The following CLSTN2 variants were observed in gnomAD, a reference collection of about 807,000 sequenced individuals.
CLSTN2 encodes the protein calsyntenin-2.
Under a neutral mutation model 101.2 loss-of-function variants are expected in CLSTN2, and 48 were observed. The observed-to-expected ratio is 0.47, with a 90% CI of 0.38 to 0.60. CLSTN2 has a LOEUF of 0.60. CLSTN2 is among the 20% of genes least tolerant of loss of function. CLSTN2 has a pLI of 0.00. For missense variants in CLSTN2, 1,160 were observed against 1,238.2 expected, an observed-to-expected ratio of 0.94 and a Z score of 0.95; for synonymous variants, 481 against 463.6, an observed-to-expected ratio of 1.04 and a Z score of -0.48.
chr3:140,313,720 AGT>A (rs1307882543), intron 2 of CLSTN2, among the ~76,000 whole-genome samples: 1 of 152,244 alleles, frequency 6.6e-6, no homozygotes, highest in African/African-American at 2.4e-5. Context: ...CACAAAGTGA[AGT>A]GTGTCATGGG....
At chr3:140,156,497 A>C (rs1004893625) in intron 1 of CLSTN2, among the ~76,000 whole-genome samples, 10 of 152,238 alleles carry the variant, frequency 6.6e-5, no homozygotes, top group African/African-American at 2.4e-4. Flanking sequence ...TCTATATGGC[A>C]GCTCTGAGAA....
At chr3:140,313,376 T>C (rs2087193416) in intron 2 of CLSTN2, among the ~76,000 whole-genome samples, 1 of 152,150 alleles carries the variant, frequency 6.6e-6, no homozygotes. Flanking sequence ...CGTGGTACCC[T>C]GACAGGAGGC....
intron 2 of CLSTN2, among the ~76,000 whole-genome samples, chr3:140,369,400 A>T (rs2087826377): frequency 6.6e-6 from 1 of 152,214 alleles, no homozygotes; most frequent in East Asian, 1.9e-4. Flanking sequence ...GAGGGAGGCC[A>T]GCCAGAGAGC....
intron 1 of CLSTN2, among the ~76,000 whole-genome samples, chr3:139,949,556 G>A (rs956558474): frequency 2.0e-5 from 3 of 152,214 alleles, no homozygotes; most frequent in Admixed American, 6.5e-5. Flanking sequence ...TTGGGTATAA[G>A]TTATGGCTGG....
At chr3:140,361,228 T>TC (rs2087727132) in intron 2 of CLSTN2, among the ~76,000 whole-genome samples, 1 of 152,308 alleles carries the variant, frequency 6.6e-6, no homozygotes, top group East Asian at 1.9e-4. Flanking sequence ...TACACCATCT[T>TC]CTTAGATTGA....
chr3:139,950,439 G>A lies in CLSTN2; in HGVS notation c.109+14956G>A, dbSNP rs186823051. 2.6e-5 allele frequency among the ~76,000 whole-genome samples: 4 copies of A among 152,234 alleles called. No individual in the cohort carries two copies. In the East Asian group the frequency reaches 7.7e-4, roughly 29 times the overall value. On this transcript the variant is annotated intron_variant, in intron 1 of 16. Transcript: ENST00000458420. Reference sequence around the variant, plus strand: ...CAAATAATGCTGCCACTCCCTACATGGGCTGAGGTTGAGCCAAGATAGAAT... The same window carrying A: ...CAAATAATGCTGCCACTCCCTACATAGGCTGAGGTTGAGCCAAGATAGAAT...
chr3:140,440,805 C>T (rs866476208), intron 5 of CLSTN2, among the ~76,000 whole-genome samples: 4 of 152,302 alleles, frequency 2.6e-5, no homozygotes, highest in East Asian at 3.9e-4. Flanking sequence ...GAAGAAACTG[C>T]GGCTCAGAAA....
At chr3:140,231,388 G>A (rs940197502) in intron 2 of CLSTN2, among the ~76,000 whole-genome samples, 5 of 151,856 alleles carry the variant, frequency 3.3e-5, no homozygotes, top group South Asian at 2.1e-4. Context: ...TTGAAAAACC[G>A]GTTTAAAAAA....
At chr3:139,943,043 C>CCTTTAGGA (rs1035758893) in intron 1 of CLSTN2, among the ~76,000 whole-genome samples, 2 of 152,158 alleles carry the variant, frequency 1.3e-5, no homozygotes, top group African/African-American at 4.8e-5. Flanking sequence ...CACTCAGTAT[C>CCTTTAGGA]TGTTTCCTTT....
chr3:140,120,899 A>G (rs1422812027), intron 1 of CLSTN2, among the ~76,000 whole-genome samples: 1 of 152,170 alleles, frequency 6.6e-6, no homozygotes, highest in African/African-American at 2.4e-5. Context: ...CCTGGCCACA[A>G]AACACCCTGG....
intron 1 of CLSTN2, among the ~76,000 whole-genome samples, chr3:139,947,736 A>G (rs1054703053): frequency 3.3e-5 from 5 of 152,376 alleles, no homozygotes; most frequent in African/African-American, 1.2e-4. Flanking sequence ...AGAAATGTCA[A>G]GATGGCTGTA....
At chr3:140,547,853 G>A (rs921302970) in intron 10 of CLSTN2, among the ~76,000 whole-genome samples, 1 of 152,226 alleles carries the variant, frequency 6.6e-6, no homozygotes, top group Non-Finnish European at 1.5e-5. Context: ...TCTGGAAGTT[G>A]GAACAGACCA....
chr3:140,356,188 A>G (rs547579570), intron 2 of CLSTN2, among the ~76,000 whole-genome samples: 3 of 152,314 alleles, frequency 2.0e-5, no homozygotes, highest in Non-Finnish European at 4.4e-5. Flanking sequence ...CCTTGGACCT[A>G]CAGCTCAATA....
At chr3:140,061,975 C>A (rs959569071) in intron 1 of CLSTN2, among the ~76,000 whole-genome samples, 5 of 152,144 alleles carry the variant, frequency 3.3e-5, no homozygotes, top group Non-Finnish European at 7.3e-5. Flanking sequence ...ACTGAAAGCT[C>A]CTGTCTGCCA....
intron 1 of CLSTN2, among the ~76,000 whole-genome samples, chr3:139,967,876 G>A (rs1259955029): frequency 1.3e-5 from 2 of 152,012 alleles, no homozygotes; most frequent in African/African-American, 4.8e-5. Flanking sequence ...CATTTTTCAG[G>A]GGGCCAATTT....
At chr3:140,511,793 G>A (rs974635185) in intron 8 of CLSTN2, among the ~76,000 whole-genome samples, 7 of 150,606 alleles carry the variant, frequency 4.6e-5, no homozygotes, top group South Asian at 2.1e-4. Flanking sequence ...TCCTGACCTC[G>A]TGATCCGCCT....
At chr3:140,155,072 A>G (rs2009933420) in intron 1 of CLSTN2, among the ~76,000 whole-genome samples, 1 of 152,070 alleles carries the variant, frequency 6.6e-6, no homozygotes, top group Non-Finnish European at 1.5e-5. Context: ...GAGCCAAACC[A>G]TATCCACAGC....
intron 1 of CLSTN2, among the ~76,000 whole-genome samples, chr3:139,957,035 G>A (rs1336389300): frequency 6.6e-6 from 1 of 152,178 alleles, no homozygotes; most frequent in Non-Finnish European, 1.5e-5. Context: ...AAGTTTTGAT[G>A]CAGAAACTAG....
intron 7 of CLSTN2, among the ~76,000 whole-genome samples, chr3:140,463,088 C>CCA: frequency 6.6e-6 from 1 of 152,190 alleles, no homozygotes; most frequent in Non-Finnish European, 1.5e-5. Flanking sequence ...TCTAAGCCCA[C>CCA]CTGTGTTGGG....
Sources: allele counts gnomAD v4.1 joint callset (sites outside exome capture counted in the v4.1 genomes callset), GRCh38; gene constraint gnomAD v4.1.1; transcripts MANE v1.5; gene names NCBI Gene and HGNC (gene_info 2026-07-23, HGNC 2026-07-21).